The following ARHGAP25 variants were observed in gnomAD, a reference collection of about 807,000 sequenced individuals.
The protein encoded by ARHGAP25 is Rho GTPase activating protein 25.
ARHGAP25 carries 34 observed loss-of-function variants against 71.0 expected under a neutral mutation model. That is an observed-to-expected ratio of 0.48 (90% CI 0.36 to 0.64). The LOEUF is 0.64. Among genes scored for constraint, ARHGAP25 ranks in the 30% least tolerant of loss-of-function variants. The pLI is 0.00. For missense variants in ARHGAP25, 706 were observed against 805.1 expected (o/e 0.88, Z 1.49); for synonymous variants, 282 against 296.5 (o/e 0.95, Z 0.50).
upstream of ARHGAP25, among the ~76,000 whole-genome samples, chr2:68,732,360 C>T (rs1675043680): frequency 1.3e-5 from 2 of 152,188 alleles, no homozygotes; most frequent in South Asian, 4.1e-4. Flanking sequence ...AAAATATTTT[C>T]AACATTCCTC....
In ARHGAP25 at chr2:68,719,939, C is replaced by T. The variant is rs553806448; in HGVS notation, c.-18+9241C>T. Among the ~76,000 whole-genome samples, 4 of 152,272 alleles carry T rather than the reference C, an allele frequency of 2.6e-5. No homozygotes were observed. In the South Asian group the frequency reaches 6.2e-4, roughly 24 times the overall value. On this transcript the variant is annotated intron_variant and NMD_transcript_variant, in intron 2 of 7. Coordinates refer to the ARHGAP25 transcript ENST00000463483. The stretch of plus-strand genomic sequence containing the variant: ...TTATTCCCAAACTCAGAATAAGGTA[C>T]GCCTATGTCCAGGTTTGTCCAGTGA...
At chr2:68,741,725 G>T (rs975668692) in intron 1 of ARHGAP25, among the ~76,000 whole-genome samples, 1 of 152,132 alleles carries the variant, frequency 6.6e-6, no homozygotes, top group Non-Finnish European at 1.5e-5. Flanking sequence ...CTACTTTTTA[G>T]TAGTGACTGA....
rs1050002529 is a variant in ARHGAP25, at chr2:68,767,162, C to A, written c.62-8059C>A. On this transcript the variant is annotated intron_variant, in intron 1 of 10. Transcript: ENST00000409202. The surrounding 1 kb of genome is among the most constrained non-coding windows in gnomAD (Gnocchi z 4.6). ...AGGGTACAGAGAGAAGGCTCCTTTGCTGTCATCAGTCTCACAGTAAAGATG... is the reference window on the plus strand; with the variant it reads ...AGGGTACAGAGAGAAGGCTCCTTTGATGTCATCAGTCTCACAGTAAAGATG... Among the ~76,000 whole-genome samples the A allele has an allele frequency of 5.9e-5, 9 of 152,340 alleles. No individual in the cohort carries two copies. The highest frequency in any genetic ancestry group is 1.9e-4 in the African/African-American group (8 of 41,574).
intron 1 of ARHGAP25, among the ~76,000 whole-genome samples, chr2:68,738,180 C>G (rs896696451): frequency 3.3e-5 from 5 of 152,190 alleles, no homozygotes; most frequent in Admixed American, 2.6e-4. Context: ...ATCATGACAG[C>G]CTTTCACTGC....
rs1026080827 is a variant in ARHGAP25 at position 68,710,971 on chromosome 2, C to T, written c.-18+273C>T. ...ATGGTTCTCAGAGTCTTTTCTGCCT[C>T]CTTGGACTTCCACTTCCTCCCTGGT... On this transcript the variant is annotated intron_variant and NMD_transcript_variant, in intron 2 of 7. Transcript: ENST00000463483. Among the ~76,000 whole-genome samples the T allele has an allele frequency of 5.3e-5, 8 of 152,140 alleles. No individual in the cohort carries two copies. The South Asian group carries it at 1.4e-3, about 28-fold the overall frequency.
intron 4 of ARHGAP25, among the ~76,000 whole-genome samples, chr2:68,806,636 G>A (rs944044812): frequency 3.9e-5 from 6 of 152,302 alleles, no homozygotes; most frequent in Admixed American, 1.3e-4. Flanking sequence ...GGACCGAGCG[G>A]GACCGCGAGA....
intron 9 of ARHGAP25, among the ~76,000 whole-genome samples, chr2:68,820,825 A>G (rs1681595197): frequency 7.6e-6 from 1 of 132,428 alleles, no homozygotes; most frequent in Admixed American, 8.6e-5. Context: ...TAAATTATTT[A>G]CCTCCTTTTT....
upstream of ARHGAP25, among the ~76,000 whole-genome samples, chr2:68,734,287 A>C (rs139913941): frequency 6.6e-6 from 1 of 152,292 alleles, no homozygotes; most frequent in African/African-American, 2.4e-5. Flanking sequence ...CACCATGTAT[A>C]CAGCCCACAC....
chr2:68,816,555 A>G, intron 7 of ARHGAP25, 193 bp downstream of exon 7: 1 of 578,250 alleles, frequency 1.7e-6, no homozygotes, highest in South Asian at 2.1e-5. Context: ...TTGAACCAAA[A>G]AATGAACGTG....
In ARHGAP25 at chr2:68,817,959, G is replaced by T; in HGVS notation, c.968G>T (p.Arg323Met). ...LATVIGVNLI[R>M]SKVEDPAVIM... Reference sequence around the variant, plus strand: ...ACTGTGATTGGTGTGAATCTCATCAGGTCGAAGGTCGAAGACCCTGCCGTG... The same window carrying T: ...ACTGTGATTGGTGTGAATCTCATCATGTCGAAGGTCGAAGACCCTGCCGTG... Residue 323 changes from arginine to methionine, a missense_variant, in exon 8 of 11, where the codon AGG becomes ATG. Coordinates refer to ENST00000409202, the MANE Select transcript of ARHGAP25 (RefSeq NM_001007231.3). 1 of 1,614,164 alleles carries T rather than the reference G, an allele frequency of 6.2e-7. No individual in the cohort carries two copies. The highest frequency in any genetic ancestry group is 2.2e-5 in the East Asian group (1 of 44,880).
Position 68,826,288 on chromosome 2 carries a change from C to G in ARHGAP25, c.*94C>G, listed in dbSNP as rs1375683374. ...GATGACGGGGAAACAAAATTATTCT[C>G]TGAGAGGGAAAGGACATTTGAGGGA... On this transcript the variant is annotated 3_prime_UTR_variant, in exon 11 of 11. Transcript: ENST00000409202. 8.5e-7 allele frequency: 1 copy of G among 1,171,706 alleles called. No homozygotes were observed. Among genetic ancestry groups the G allele is most frequent in the Non-Finnish European group, 1.3e-6 (1 of 788,622 alleles). 72.6% of individuals were successfully genotyped at this position (1,171,706 alleles called of 1,614,324 possible).
At chr2:68,775,190 G>C (rs759718983) in intron 1 of ARHGAP25, 31 bp from the exon 2 acceptor site, 1 of 1,614,208 alleles carries the variant, frequency 6.2e-7, no homozygotes, top group Non-Finnish European at 8.5e-7. Context: ...CATGTCCCTC[G>C]GTCAGTCGGC....
intron 1 of ARHGAP25, among the ~76,000 whole-genome samples, chr2:68,768,688 T>C (rs1677283902): frequency 6.6e-6 from 1 of 152,218 alleles, no homozygotes; most frequent in Non-Finnish European, 1.5e-5. Context: ...GTCACTCAAA[T>C]CTTCTGGCTT....
At position 68,735,069 on chromosome 2, in the gene ARHGAP25, T is replaced by G; in HGVS notation, c.-131T>G. 1.2e-6 allele frequency: 1 copy of G among 809,050 alleles called. No individual in the cohort carries two copies. Among genetic ancestry groups the G allele is most frequent in the South Asian group, 1.5e-5 (1 of 68,210 alleles). 50.1% of individuals were successfully genotyped at this position (809,050 alleles called of 1,614,324 possible). Reference sequence around the variant, plus strand: ...GGCAAATCAGCCTCAAGCCTAAGATTGCTTGTGAAGCAATCATAAGGAGGA... The same window carrying G: ...GGCAAATCAGCCTCAAGCCTAAGATGGCTTGTGAAGCAATCATAAGGAGGA... On this transcript the variant is annotated 5_prime_UTR_variant, in exon 1 of 11. It adds an upstream start codon to the 5' untranslated region. Coordinates refer to ENST00000409202, the MANE Select transcript of ARHGAP25 (RefSeq NM_001007231.3).
At chr2:68,711,525 A>T (rs60640914) in intron 2 of ARHGAP25, among the ~76,000 whole-genome samples, 40,808 of 151,844 alleles carry the variant, frequency 0.27, 5,534 homozygotes, top group East Asian at 0.37. Flanking sequence ...TTTTTAAAAA[A>T]TTTTTTTAAT....
At chr2:68,765,419 A>T (rs983293994) in intron 1 of ARHGAP25, among the ~76,000 whole-genome samples, 35 of 152,078 alleles carry the variant, frequency 2.3e-4, no homozygotes, top group Admixed American at 3.3e-4. Context: ...TAAAATATTT[A>T]AAAAGATCAT....
intron 1 of ARHGAP25, among the ~76,000 whole-genome samples, chr2:68,761,616 A>G (rs940733366): frequency 6.6e-6 from 1 of 152,184 alleles, no homozygotes; most frequent in Non-Finnish European, 1.5e-5. Flanking sequence ...ATGCAAATGG[A>G]CAATAAATGA....
intron 4 of ARHGAP25, among the ~76,000 whole-genome samples, chr2:68,797,979 CT>C (rs1418379309): frequency 6.6e-6 from 1 of 152,208 alleles, no homozygotes; most frequent in African/African-American, 2.4e-5. Flanking sequence ...CTTCCTCTCA[CT>C]TTTTTGTTGA....
At chr2:68,721,576 C>G (rs1044519094) in intron 2 of ARHGAP25, among the ~76,000 whole-genome samples, 1 of 152,232 alleles carries the variant, frequency 6.6e-6, no homozygotes, top group African/African-American at 2.4e-5. Context: ...CTCCTCTCCC[C>G]AGGAGGTCTG....
Sources: allele counts gnomAD v4.1 joint callset (sites outside exome capture counted in the v4.1 genomes callset), GRCh38; gene constraint gnomAD v4.1.1; non-coding constraint Gnocchi (gnomAD v3.1); transcripts MANE v1.5; gene names NCBI Gene and HGNC (gene_info 2026-07-23, HGNC 2026-07-21).